Variants in NRG1 observed in about 807,000 individuals in gnomAD.
NRG1 encodes the protein neuregulin 1, also known as pro-neuregulin-1, membrane-bound isoform.
NRG1 carries 18 observed loss-of-function variants against 63.8 expected under a neutral mutation model. The observed-to-expected ratio is 0.28, with a 90% confidence interval of 0.19 to 0.42. The LOEUF (loss-of-function observed/expected upper bound fraction) is 0.42, where lower values mean the gene tolerates loss of function less well. Ranked by LOEUF, NRG1 falls within the 10% of genes least tolerant of loss-of-function variation. The probability of loss-of-function intolerance (pLI) is 1.00; values close to 1 mark genes in which losing one functional copy is unlikely to be tolerated. For missense variants in NRG1, 762 were observed against 814.7 expected (o/e 0.94, Z 0.79); for synonymous variants, 302 against 301.3 (o/e 1.00, Z -0.02).
intron 1 of NRG1, among the ~76,000 whole-genome samples, chr8:32,217,795 G>A (rs1265330009): frequency 3.3e-5 from 5 of 152,004 alleles, no homozygotes; most frequent in Non-Finnish European, 1.5e-5. Flanking sequence ...CTAGACATCT[G>A]GTATACATCA....
intron 5 of NRG1, among the ~76,000 whole-genome samples, chr8:32,653,924 A>G (rs1186098515): frequency 6.6e-6 from 1 of 152,010 alleles, no homozygotes; most frequent in African/African-American, 2.4e-5. Context: ...GCTGATTGTA[A>G]TCTTTACTGC....
intron 1 of NRG1, among the ~76,000 whole-genome samples, chr8:31,681,016 C>T (rs1808286418): frequency 6.6e-6 from 1 of 151,668 alleles, no homozygotes; most frequent in Non-Finnish European, 1.5e-5. Context: ...ACTAGAGGAC[C>T]CAGGAAGAGA....
At chr8:32,254,760 T>G (rs1390654261) in intron 1 of NRG1, among the ~76,000 whole-genome samples, 2 of 152,220 alleles carry the variant, frequency 1.3e-5, no homozygotes, top group Non-Finnish European at 2.9e-5. Context: ...CTGTCTAATG[T>G]TGACAGTCAG....
chr8:31,772,793 G>A (rs59476093), intron 1 of NRG1, among the ~76,000 whole-genome samples: 24,014 of 152,148 alleles, frequency 0.16, 2,176 homozygotes, highest in East Asian at 0.2. Context: ...AAAAATTCTG[G>A]ACTGAGATGT....
intron 1 of NRG1, among the ~76,000 whole-genome samples, chr8:31,881,387 G>T (rs1311057716): frequency 6.6e-6 from 1 of 152,178 alleles, no homozygotes; most frequent in African/African-American, 2.4e-5. Context: ...GGTAAATGTT[G>T]TGTGTAATAG....
intron 5 of NRG1, among the ~76,000 whole-genome samples, chr8:32,649,089 C>T (rs1032063461): frequency 1.3e-5 from 2 of 149,524 alleles, no homozygotes; most frequent in African/African-American, 4.9e-5. Flanking sequence ...GTTTTGTCTT[C>T]TATAATCAAA....
chr8:31,737,056 G>T (rs1238967430), intron 1 of NRG1, among the ~76,000 whole-genome samples: 1 of 152,012 alleles, frequency 6.6e-6, no homozygotes, highest in African/African-American at 2.4e-5. Context: ...GCCAAGACTG[G>T]GTCTAAGAAT....
At chr8:31,855,567 G>T (rs1179838548) in intron 1 of NRG1, among the ~76,000 whole-genome samples, 4 of 152,066 alleles carry the variant, frequency 2.6e-5, no homozygotes, top group African/African-American at 9.7e-5. Flanking sequence ...TTTTTATCCA[G>T]TTTGCCAGTC....
At chr8:31,643,568 A>G (rs776714128) in intron 1 of NRG1, among the ~76,000 whole-genome samples, 1 of 152,240 alleles carries the variant, frequency 6.6e-6, no homozygotes, top group Non-Finnish European at 1.5e-5. Flanking sequence ...AGTGTATTTT[A>G]GAAGACAACA....
intron 1 of NRG1, among the ~76,000 whole-genome samples, chr8:31,790,508 T>C (rs1820598620): frequency 6.6e-6 from 1 of 152,244 alleles, no homozygotes; most frequent in Non-Finnish European, 1.5e-5. Flanking sequence ...TTAACCCCTC[T>C]GGACATTTAA....
intron 1 of NRG1, among the ~76,000 whole-genome samples, chr8:31,875,031 G>C (rs900793433): frequency 2.6e-5 from 4 of 152,146 alleles, no homozygotes; most frequent in African/African-American, 9.7e-5. Flanking sequence ...TTTCATAGTT[G>C]CCAGCACCCT....
rs1291786241 is a variant in NRG1 at position 31,952,848 on chromosome 8, C to T, written c.37+313417C>T. 3.9e-5 allele frequency among the ~76,000 whole-genome samples: 6 copies of T among 152,110 alleles called. No individual in the cohort carries two copies. In the East Asian group the frequency reaches 1.2e-3, roughly 29 times the overall value. ...GTTCTAATGATCTAACATGCTATGCCATCATTTGTTGATTCATAAAGTCAT... is the reference window on the plus strand; with the variant it reads ...GTTCTAATGATCTAACATGCTATGCTATCATTTGTTGATTCATAAAGTCAT... On this transcript the variant is annotated intron_variant, in intron 1 of 10. Coordinates refer to the NRG1 transcript ENST00000519301.
At chr8:32,508,868 T>G (rs1456468329) in intron 1 of NRG1, among the ~76,000 whole-genome samples, 1 of 151,758 alleles carries the variant, frequency 6.6e-6, no homozygotes, top group Admixed American at 6.6e-5. Context: ...CCTGAGTAGC[T>G]GGACTATAGG....
At chr8:32,589,889 A>G (rs1218772819) in intron 1 of NRG1, among the ~76,000 whole-genome samples, 1 of 152,216 alleles carries the variant, frequency 6.6e-6, no homozygotes, top group East Asian at 1.9e-4. Flanking sequence ...AAATTATTAG[A>G]ATAAATGAAC....
intron 1 of NRG1, among the ~76,000 whole-genome samples, chr8:32,511,184 G>A (rs950687634): frequency 2.0e-5 from 3 of 150,368 alleles, no homozygotes; most frequent in African/African-American, 7.3e-5. Context: ...AATTCATGGA[G>A]CAACCAGACA....
chr8:32,770,997 A>G (rs1831747292), downstream of NRG1, among the ~76,000 whole-genome samples: 1 of 152,148 alleles, frequency 6.6e-6, no homozygotes, highest in Non-Finnish European at 1.5e-5. Context: ...TTATGTTATC[A>G]TTTCTCCAAC....
chr8:32,303,362 C>A (rs1225730310), intron 1 of NRG1, among the ~76,000 whole-genome samples: 1 of 151,196 alleles, frequency 6.6e-6, no homozygotes, highest in South Asian at 2.1e-4. Flanking sequence ...TAAAAAAAAA[C>A]ACAGAAAAAA....
chr8:31,656,412 A>G (rs1016949179), intron 1 of NRG1, among the ~76,000 whole-genome samples: 1 of 152,188 alleles, frequency 6.6e-6, no homozygotes, highest in African/African-American at 2.4e-5. Flanking sequence ...AGGACTTAGG[A>G]CAGAGTTCTG....
chr8:32,682,417 A>AT (rs1454715393), intron 5 of NRG1, among the ~76,000 whole-genome samples: 2 of 152,256 alleles, frequency 1.3e-5, no homozygotes, highest in East Asian at 3.9e-4. Context: ...CTAAGAAGAG[A>AT]TTTTATGGTG....
Sources: allele counts gnomAD v4.1 joint callset (sites outside exome capture counted in the v4.1 genomes callset), GRCh38; gene constraint gnomAD v4.1.1; transcripts MANE v1.5; gene names NCBI Gene and HGNC (gene_info 2026-07-23, HGNC 2026-07-21).